Variants in ABCA13 observed in about 807,000 individuals in gnomAD.
The protein encoded by ABCA13 is ATP binding cassette subfamily A member 13.
A neutral mutation model predicts 478.7 loss-of-function variants in ABCA13; 476 were observed. The observed-to-expected ratio is 0.99, with a 90% CI of 0.92 to 1.07. The LOEUF is 1.07. Among genes scored for constraint, ABCA13 ranks in the 50% least tolerant of loss-of-function variants. The probability of loss-of-function intolerance (pLI) is 0.00; values close to 1 mark genes in which losing one functional copy is unlikely to be tolerated. For missense variants in ABCA13, 6,060 were observed against 5,910.6 expected (o/e 1.03, Z -0.83); for synonymous variants, 2,252 against 2,158.9 (o/e 1.04, Z -1.20).
chr7:48,286,525 G>A (rs1305105652), intron 19 of ABCA13, among the ~76,000 whole-genome samples: 1 of 151,056 alleles, frequency 6.6e-6, no homozygotes, highest in Admixed American at 6.6e-5. Flanking sequence ...CCTTTTTTCA[G>A]ACAGAGTCTC....
chr7:48,598,062 T>A (rs1790482385), intron 58 of ABCA13, among the ~76,000 whole-genome samples: 1 of 152,156 alleles, frequency 6.6e-6, no homozygotes. Flanking sequence ...ATAGAATTGT[T>A]TCTCTGCCCT....
chr7:48,450,067 C>T (rs1401691555), intron 42 of ABCA13, among the ~76,000 whole-genome samples: 1 of 152,180 alleles, frequency 6.6e-6, no homozygotes, highest in Non-Finnish European at 1.5e-5. Context: ...TCTCGAAACC[C>T]TTCTTCAAAT....
intron 20 of ABCA13, among the ~76,000 whole-genome samples, chr7:48,292,817 T>C (rs1248518333): frequency 2.6e-5 from 4 of 152,204 alleles, no homozygotes; most frequent in Non-Finnish European, 5.9e-5. Flanking sequence ...CTGCTGGTAG[T>C]GTTCCTGCAC....
chr7:48,284,409 T>G (rs1294763360), intron 19 of ABCA13, among the ~76,000 whole-genome samples: 1 of 152,202 alleles, frequency 6.6e-6, no homozygotes, highest in African/African-American at 2.4e-5. Context: ...TGTTGTCAAA[T>G]AGAAATCAGT....
chr7:48,496,731 A>G (rs920911757), intron 48 of ABCA13, among the ~76,000 whole-genome samples: 1 of 152,208 alleles, frequency 6.6e-6, no homozygotes, highest in African/African-American at 2.4e-5. Flanking sequence ...TGACAATTAA[A>G]GAAAAGCTCA....
At chr7:48,638,781 A>G (rs1307439623) in intron 59 of ABCA13, among the ~76,000 whole-genome samples, 1 of 152,212 alleles carries the variant, frequency 6.6e-6, no homozygotes. Context: ...TGCATTTTAT[A>G]GAGAGGAATT....
intron 7 of ABCA13, among the ~76,000 whole-genome samples, chr7:48,230,410 G>T (rs1788873174): frequency 6.6e-6 from 1 of 152,132 alleles, no homozygotes; most frequent in Admixed American, 6.5e-5. Flanking sequence ...GGAGGGAATG[G>T]AATTATATAG....
At chr7:48,536,639 C>A (rs1334221921) in intron 55 of ABCA13, among the ~76,000 whole-genome samples, 1 of 148,960 alleles carries the variant, frequency 6.7e-6, no homozygotes. Context: ...CAGAGTGAGA[C>A]TCCATCTCAA....
At chr7:48,605,293 C>G (rs1791354654) in intron 58 of ABCA13, among the ~76,000 whole-genome samples, 1 of 152,076 alleles carries the variant, frequency 6.6e-6, no homozygotes, top group South Asian at 2.1e-4. Context: ...GGTTATTTTG[C>G]CTGTTAGTTG....
chr7:48,553,994 A>G (rs1585789087), intron 55 of ABCA13, among the ~76,000 whole-genome samples: 1 of 151,802 alleles, frequency 6.6e-6, no homozygotes, highest in South Asian at 2.1e-4. Context: ...GTTTGGTTTT[A>G]CCTTTTTATA....
At chr7:48,238,802 T>C (rs1349893959) in intron 8 of ABCA13, among the ~76,000 whole-genome samples, 1 of 152,222 alleles carries the variant, frequency 6.6e-6, no homozygotes, top group Non-Finnish European at 1.5e-5. Context: ...ATAAAGGAGA[T>C]TTGGTTCAAA....
At chr7:48,379,669 A>T (rs1474412038) in intron 35 of ABCA13, among the ~76,000 whole-genome samples, 2 of 152,232 alleles carry the variant, frequency 1.3e-5, no homozygotes. Flanking sequence ...AGAAATGTAG[A>T]TACTAGAAGT....
chr7:48,185,208 T>A (rs1482766377), intron 1 of ABCA13, among the ~76,000 whole-genome samples: 1 of 152,196 alleles, frequency 6.6e-6, no homozygotes, highest in Non-Finnish European at 1.5e-5. Flanking sequence ...GTCAACCACC[T>A]TTCTCATACA....
At chr7:48,376,418 T>C (rs769604197) in intron 34 of ABCA13, 23 bp from the exon 35 acceptor site, 16 of 1,611,602 alleles carry the variant, frequency 9.9e-6, no homozygotes, top group Non-Finnish European at 1.2e-5. Flanking sequence ...CAGTTCTAAC[T>C]CTGACCTTTT....
At chr7:48,227,231 G>A (rs764261478) in intron 5 of ABCA13, 31 bp from the exon 6 acceptor site, 16 of 1,609,144 alleles carry the variant, frequency 9.9e-6, no homozygotes, top group Non-Finnish European at 2.5e-6. Flanking sequence ...ACTCCAGAGG[G>A]AAACTTTTGG....
At chr7:48,515,759 G>T (rs1832058321) in intron 51 of ABCA13, among the ~76,000 whole-genome samples, 1 of 152,142 alleles carries the variant, frequency 6.6e-6, no homozygotes, top group Non-Finnish European at 1.5e-5. Flanking sequence ...ATGCTGGAAG[G>T]AGGCTTTCAG....
chr7:48,179,020 AT>A, intron 1 of ABCA13, among the ~76,000 whole-genome samples: 1 of 149,258 alleles, frequency 6.7e-6, no homozygotes, highest in East Asian at 1.9e-4. Context: ...AATAATAATA[AT>A]AAAAACAAAG....
chr7:48,439,948 A>G (rs566625230), intron 42 of ABCA13, among the ~76,000 whole-genome samples: 1 of 152,250 alleles, frequency 6.6e-6, no homozygotes, highest in South Asian at 2.1e-4. Context: ...GGGCCACTTT[A>G]GACTTCTTCC....
intron 41 of ABCA13, among the ~76,000 whole-genome samples, chr7:48,426,409 G>A (rs1424030463): frequency 1.3e-5 from 2 of 152,144 alleles, no homozygotes; most frequent in Non-Finnish European, 2.9e-5. Context: ...CTGTGGTTAG[G>A]GGCTCCTCAG....
Sources: allele counts gnomAD v4.1 joint callset (sites outside exome capture counted in the v4.1 genomes callset), GRCh38; gene constraint gnomAD v4.1.1; transcripts MANE v1.5; gene names NCBI Gene and HGNC (gene_info 2026-07-23, HGNC 2026-07-21).